PGM5: variants seen among roughly 807,000 people sequenced by gnomAD.
The protein encoded by PGM5 is phosphoglucomutase 5.
PGM5 carries 23 observed loss-of-function variants against 59.2 expected under a neutral mutation model. That is an observed-to-expected ratio of 0.39 (90% confidence interval 0.28 to 0.55). The LOEUF is 0.55. PGM5 is among the 20% of genes least tolerant of loss of function. The pLI is 0.66. For missense variants in PGM5, 574 were observed against 748.3 expected (o/e 0.77, Z 2.72); for synonymous variants, 214 against 286.0 (o/e 0.75, Z 2.54).
intron 6 of PGM5, among the ~76,000 whole-genome samples, chr9:68,423,186 C>A (rs1554682472): frequency 6.6e-6 from 1 of 151,636 alleles, no homozygotes; most frequent in Non-Finnish European, 1.5e-5. Flanking sequence ...TATAAACATG[C>A]ATGTGCAAGT....
At chr9:68,460,622 T>A (rs1388745315) in intron 6 of PGM5, among the ~76,000 whole-genome samples, 1 of 152,200 alleles carries the variant, frequency 6.6e-6, no homozygotes, top group East Asian at 1.9e-4. Flanking sequence ...CATGCAGAAA[T>A]GACTTTATAT....
At chr9:68,449,877 C>CTGTCAGA (rs1408065774) in intron 6 of PGM5, among the ~76,000 whole-genome samples, 2 of 152,328 alleles carry the variant, frequency 1.3e-5, no homozygotes, top group East Asian at 3.9e-4. Flanking sequence ...AAACCCCAGT[C>CTGTCAGA]TGTCAGATTT....
At chr9:68,422,228 T>G (rs1016390052) in intron 6 of PGM5, among the ~76,000 whole-genome samples, 1 of 152,112 alleles carries the variant, frequency 6.6e-6, no homozygotes, top group Non-Finnish European at 1.5e-5. Context: ...GAAAAAACAT[T>G]TAGTAGCATT....
intron 6 of PGM5, among the ~76,000 whole-genome samples, chr9:68,461,946 G>A (rs1193728652): frequency 6.6e-6 from 1 of 151,978 alleles, no homozygotes; most frequent in African/African-American, 2.4e-5. Context: ...CAAAATTTAA[G>A]GGCATATTTG....
intron 1 of PGM5, among the ~76,000 whole-genome samples, chr9:68,376,475 C>CTCTG (rs1554677649): frequency 7.7e-6 from 1 of 129,570 alleles, no homozygotes; most frequent in Non-Finnish European, 1.6e-5. Context: ...TGCTTTTGAG[C>CTCTG]TGTGTGTGTG....
chr9:68,501,574 G>A (rs1824573710), intron 10 of PGM5, among the ~76,000 whole-genome samples: 1 of 152,202 alleles, frequency 6.6e-6, no homozygotes, highest in Admixed American at 6.5e-5. Context: ...TCCTGAAGCT[G>A]CTAGTGTTAT....
At chr9:68,392,669 G>A (rs1822396336) in intron 6 of PGM5, among the ~76,000 whole-genome samples, 196 bp downstream of exon 6, 1 of 152,106 alleles carries the variant, frequency 6.6e-6, no homozygotes, top group African/African-American at 2.4e-5. Context: ...CCACTTACTA[G>A]CTGTGGGAAT....
Position 68,357,220 on chromosome 9 carries a change from C to G in PGM5, c.93C>G (p.Thr31=), listed in dbSNP as rs1198608539. 6.5e-7 allele frequency: 1 copy of G among 1,541,058 alleles called. No individual in the cohort carries two copies. Among genetic ancestry groups the G allele is most frequent in the East Asian group, 2.4e-5 (1 of 40,852 alleles). ...GCGGCGGGGGTCTGCGGCGACCCAC[C>G]GGCCTCTTCGAGGGCCAGCGCAACT... ...PAGGGGLRRP[T]GLFEGQRNYL... The change falls in exon 1 of 11, where the codon ACC becomes ACG. Residue 31 remains threonine (T), a synonymous_variant. Coordinates refer to ENST00000396396, the MANE Select transcript of PGM5 (RefSeq NM_021965.4).
At chr9:68,406,172 C>T (rs1205995098) in intron 6 of PGM5, 2 of 152,156 alleles carry the variant, frequency 1.3e-5, no homozygotes, top group Non-Finnish European at 2.9e-5. Flanking sequence ...AATTCTAACT[C>T]CTCTGCCTTC....
chr9:68,426,293 C>T (rs1168255588), intron 6 of PGM5, among the ~76,000 whole-genome samples: 1 of 151,440 alleles, frequency 6.6e-6, no homozygotes, highest in Non-Finnish European at 1.5e-5. Context: ...CACAATCATA[C>T]TGCCTATTTT....
chr9:68,474,883 A>G (rs1166080153), intron 7 of PGM5, among the ~76,000 whole-genome samples: 5 of 150,222 alleles, frequency 3.3e-5, no homozygotes, highest in African/African-American at 1.2e-4. Flanking sequence ...GGAACCATAA[A>G]TGCATATTAT....
rs1208597470 is a variant in PGM5 at position 68,501,560 on chromosome 9, G to A, written c.1614+2199G>A. Among the ~76,000 whole-genome samples, 32 of 152,186 alleles carry A rather than the reference G, an allele frequency of 2.1e-4. 1 individual carries two copies. Among genetic ancestry groups the A allele is most frequent in the Admixed American group, 1.7e-3 (26 of 15,286 alleles). ...TGTTGAACAGAGATAAAAGTAAGAT[G>A]TACTCCTGAAGCTGCTAGTGTTATT... On this transcript the variant is annotated intron_variant, in intron 10 of 10. Coordinates refer to ENST00000396396, the MANE Select transcript of PGM5 (RefSeq NM_021965.4).
chr9:68,390,150 G>A (rs564762831), intron 4 of PGM5, among the ~76,000 whole-genome samples: 2 of 152,150 alleles, frequency 1.3e-5, no homozygotes, highest in East Asian at 3.9e-4. Context: ...AGCCTGCTAT[G>A]GGTCTTCTCC....
intron 6 of PGM5, among the ~76,000 whole-genome samples, chr9:68,415,992 A>C (rs1173228883): frequency 6.6e-6 from 1 of 151,818 alleles, no homozygotes; most frequent in Non-Finnish European, 1.5e-5. Flanking sequence ...GTTGAAATTT[A>C]AAAGGGGCTG....
chr9:68,485,922 T>C (rs1403216298), intron 9 of PGM5, among the ~76,000 whole-genome samples: 1 of 152,208 alleles, frequency 6.6e-6, no homozygotes, highest in African/African-American at 2.4e-5. Context: ...TCCCCATTGT[T>C]GGCAAGTTAC....
chr9:68,448,860 T>A (rs1260516036), intron 6 of PGM5, among the ~76,000 whole-genome samples: 1 of 152,208 alleles, frequency 6.6e-6, no homozygotes, highest in Non-Finnish European at 1.5e-5. Context: ...GACAGCAGAT[T>A]GTGGGCTGAT....
chr9:68,516,182 T>C (rs11142714), intron 10 of PGM5, among the ~76,000 whole-genome samples: 12,456 of 152,254 alleles, frequency 0.082, 529 homozygotes, highest in Middle Eastern at 0.11. Flanking sequence ...AGGTCCTTAT[T>C]ATGTGCCATC....
At chr9:68,411,311 G>A (rs569987678) in intron 6 of PGM5, among the ~76,000 whole-genome samples, 1 of 152,008 alleles carries the variant, frequency 6.6e-6, no homozygotes, top group Admixed American at 6.6e-5. Context: ...GATTGCTTGA[G>A]CCCAGGAGTT....
intron 1 of PGM5, among the ~76,000 whole-genome samples, chr9:68,364,683 A>T (rs113149329): frequency 0.25 from 37,508 of 151,284 alleles, 5,327 homozygotes; most frequent in Admixed American, 0.34. Context: ...CAAATCTATT[A>T]TGTGAGCAAT....
Sources: gnomAD v4.1 joint callset for allele counts (sites outside exome capture counted in the v4.1 genomes callset) on GRCh38, gnomAD v4.1.1 for gene constraint, MANE v1.5 for transcripts, NCBI Gene and HGNC (gene_info 2026-07-23, HGNC 2026-07-21) for gene names.